LRFN5: variants seen among roughly 807,000 people sequenced by gnomAD.
LRFN5 encodes leucine rich repeat and fibronectin type III domain containing 5.
A neutral mutation model predicts 45.6 loss-of-function variants in LRFN5; 24 were observed. That is an observed-to-expected ratio of 0.53 (90% CI 0.38 to 0.74). The LOEUF (loss-of-function observed/expected upper bound fraction) is 0.74, where lower values mean the gene tolerates loss of function less well. Among genes scored for constraint, LRFN5 ranks in the 30% least tolerant of loss-of-function variants. LRFN5 has a pLI of 0.00. For synonymous variants in LRFN5, 340 were observed against 313.8 expected, an observed-to-expected ratio of 1.08 and a Z score of -0.88; for missense variants, 776 against 861.5, an observed-to-expected ratio of 0.90 and a Z score of 1.24.
At chr14:41,803,554 T>TTTG (rs1242286189) in intron 2 of LRFN5, among the ~76,000 whole-genome samples, 1 of 151,978 alleles carries the variant, frequency 6.6e-6, no homozygotes, top group Non-Finnish European at 1.5e-5. Flanking sequence ...GGGTCCTCAC[T>TTTG]TTGTTGCCCA....
chr14:41,624,875 G>C (rs1440038249), intron 1 of LRFN5, among the ~76,000 whole-genome samples: 1 of 151,174 alleles, frequency 6.6e-6, no homozygotes, highest in East Asian at 1.9e-4. Flanking sequence ...TCCTCTATTT[G>C]GATTAAATAA....
intron 2 of LRFN5, among the ~76,000 whole-genome samples, chr14:41,802,792 T>G (rs1887383622): frequency 6.6e-6 from 1 of 152,098 alleles, no homozygotes; most frequent in Non-Finnish European, 1.5e-5. Flanking sequence ...ACTCAGAGTT[T>G]AAATTGTTTA....
At chr14:41,780,531 A>G (rs909067972) in intron 2 of LRFN5, among the ~76,000 whole-genome samples, 1 of 152,058 alleles carries the variant, frequency 6.6e-6, no homozygotes, top group Admixed American at 6.6e-5. Flanking sequence ...AGTATGGTCT[A>G]TATTTCTTCA....
chr14:41,764,102 A>G (rs1039491586), intron 1 of LRFN5, among the ~76,000 whole-genome samples: 14 of 152,194 alleles, frequency 9.2e-5, no homozygotes, highest in African/African-American at 3.4e-4. Flanking sequence ...CTCTTTGGTC[A>G]TTGCATTGAC....
intron 2 of LRFN5, among the ~76,000 whole-genome samples, chr14:41,801,536 A>G (rs2138969193): frequency 6.6e-6 from 1 of 152,214 alleles, no homozygotes; most frequent in Admixed American, 6.5e-5. Context: ...AAGTTACTCT[A>G]GAGTAAAGAT....
At chr14:41,877,072 C>A (rs2139130038) in intron 2 of LRFN5, among the ~76,000 whole-genome samples, 1 of 152,268 alleles carries the variant, frequency 6.6e-6, no homozygotes, top group South Asian at 2.1e-4. Context: ...CACTAGCAAT[C>A]TAACATACTA....
chr14:41,881,409 T>C (rs571538569), intron 2 of LRFN5, among the ~76,000 whole-genome samples: 1 of 151,936 alleles, frequency 6.6e-6, no homozygotes, highest in South Asian at 2.1e-4. Flanking sequence ...TTGTAAATTA[T>C]AGTTATTCTC....
Position 41,728,935 on chromosome 14 carries a change from T to G in LRFN5, c.-196-37919T>G, listed in dbSNP as rs1438039397. ...CCAACAATTTTAAAGATTCATCCAT[T>G]TTTATTTAAAAACGTCCCTTCAGCT... is the stretch of plus-strand genomic sequence containing the variant. On this transcript the variant is annotated intron_variant, in intron 1 of 5. Transcript: ENST00000298119. Among the ~76,000 whole-genome samples, 9 of 151,994 alleles carry G rather than the reference T, an allele frequency of 5.9e-5. No homozygotes were observed. In the Admixed American group the frequency reaches 5.9e-4, roughly 10 times the overall value.
intron 2 of LRFN5, among the ~76,000 whole-genome samples, chr14:41,853,980 G>A (rs577173448): frequency 1.3e-5 from 2 of 152,280 alleles, no homozygotes; most frequent in African/African-American, 4.8e-5. Flanking sequence ...TGTCATGACA[G>A]CCATATGCTG....
chr14:41,829,402 A>G (rs978095839), intron 2 of LRFN5, among the ~76,000 whole-genome samples: 2 of 152,036 alleles, frequency 1.3e-5, no homozygotes, highest in African/African-American at 4.8e-5. Flanking sequence ...TTTTAAAAGT[A>G]TATTTCATGA....
intron 1 of LRFN5, among the ~76,000 whole-genome samples, chr14:41,664,853 A>T (rs930717715): frequency 1.3e-5 from 2 of 151,940 alleles, no homozygotes; most frequent in Non-Finnish European, 1.5e-5. Flanking sequence ...GATTTGAGGT[A>T]TGGGCCACAC....
chr14:41,706,861 GCCTAT>G (rs2138737384), intron 1 of LRFN5, among the ~76,000 whole-genome samples: 1 of 152,278 alleles, frequency 6.6e-6, no homozygotes, highest in Non-Finnish European at 1.5e-5. Context: ...TGTTAGCAGT[GCCTAT>G]AATGGTGGCT....
At chr14:41,682,553 A>G (rs924242703) in intron 1 of LRFN5, among the ~76,000 whole-genome samples, 13 of 152,134 alleles carry the variant, frequency 8.5e-5, no homozygotes, top group African/African-American at 3.1e-4. Context: ...AAGACAAACA[A>G]TTGACAAATA....
chr14:41,882,232 A>T (rs1339551342), intron 2 of LRFN5, among the ~76,000 whole-genome samples: 1 of 150,840 alleles, frequency 6.6e-6, no homozygotes, highest in African/African-American at 2.4e-5. Flanking sequence ...CACCCCTAGC[A>T]TTTTTTTTTC....
At chr14:41,753,249 G>T (rs1195948207) in intron 1 of LRFN5, among the ~76,000 whole-genome samples, 4 of 151,266 alleles carry the variant, frequency 2.6e-5, no homozygotes, top group Non-Finnish European at 2.9e-5. Context: ...GGCGATGCGG[G>T]CTCTTTTTTG....
At chr14:41,782,930 A>G (rs1458444938) in intron 2 of LRFN5, among the ~76,000 whole-genome samples, 1 of 146,296 alleles carries the variant, frequency 6.8e-6, no homozygotes, top group Admixed American at 6.8e-5. Context: ...AGTGAGCTAT[A>G]TCTCTTGGCT....
intron 2 of LRFN5, among the ~76,000 whole-genome samples, chr14:41,840,425 A>C (rs1201418880): frequency 6.6e-6 from 1 of 152,084 alleles, no homozygotes; most frequent in Non-Finnish European, 1.5e-5. Flanking sequence ...TTTAGGCAAC[A>C]GTGCCATGGA....
chr14:41,896,229 G>A (rs531037967), intron 4 of LRFN5, among the ~76,000 whole-genome samples: 69 of 152,218 alleles, frequency 4.5e-4, no homozygotes, highest in Admixed American at 1.9e-3. Context: ...GAATTGTGAA[G>A]CAAATTAGAC....
At chr14:41,766,368 C>G (rs535245215) in intron 1 of LRFN5, among the ~76,000 whole-genome samples, 2 of 152,062 alleles carry the variant, frequency 1.3e-5, no homozygotes, top group South Asian at 4.1e-4. Context: ...ATATAGGTTG[C>G]AATAGTCAGA....
Sources: gnomAD v4.1 joint callset for allele counts (sites outside exome capture counted in the v4.1 genomes callset) on GRCh38, gnomAD v4.1.1 for gene constraint, MANE v1.5 for transcripts, NCBI Gene and HGNC (gene_info 2026-07-23, HGNC 2026-07-21) for gene names.